Variants in MYT1L observed in about 807,000 individuals in gnomAD.
MYT1L encodes myelin transcription factor 1 like, also known as myelin transcription factor 1-like protein.
In MYT1L, 12 loss-of-function variants were observed where a neutral mutation model predicts 126.7. The ratio of observed to expected loss-of-function variants is 0.09; its 90% CI spans 0.06 to 0.15. MYT1L has a LOEUF of 0.15. MYT1L is among the 10% of genes least tolerant of loss of function. The pLI, the probability that MYT1L is intolerant of heterozygous loss-of-function variation, is 1.00. For synonymous variants in MYT1L, 541 were observed against 604.2 expected (o/e 0.90, Z 1.53); for missense variants, 979 against 1,585.2 (o/e 0.62, Z 6.49).
At chr2:2,062,813 G>A (rs555883043) in intron 3 of MYT1L, among the ~76,000 whole-genome samples, 14 of 152,002 alleles carry the variant, frequency 9.2e-5, no homozygotes, top group South Asian at 8.3e-4. Flanking sequence ...GCCCAGAGTC[G>A]TCATAATTTT....
intron 1 of MYT1L, among the ~76,000 whole-genome samples, chr2:2,293,220 T>C (rs1037263259): frequency 1.3e-5 from 2 of 152,090 alleles, no homozygotes; most frequent in African/African-American, 4.8e-5. Flanking sequence ...ATCTTCTATG[T>C]AATCCAAAGG....
intron 1 of MYT1L, among the ~76,000 whole-genome samples, chr2:2,301,325 G>A (rs1205314593): frequency 6.6e-6 from 1 of 152,074 alleles, no homozygotes; most frequent in Non-Finnish European, 1.5e-5. Flanking sequence ...CAGACATGGT[G>A]AAAACTCTCT....
At chr2:2,310,856 GT>G (rs1171708996) in intron 1 of MYT1L, among the ~76,000 whole-genome samples, 1 of 151,532 alleles carries the variant, frequency 6.6e-6, no homozygotes, top group Non-Finnish European at 1.5e-5. Flanking sequence ...TAAAGAGTTG[GT>G]TGAAAAAATG....
intron 9 of MYT1L, among the ~76,000 whole-genome samples, chr2:1,928,453 G>A (rs1558430814): frequency 6.6e-6 from 1 of 152,136 alleles, no homozygotes; most frequent in African/African-American, 2.4e-5. Flanking sequence ...GAGCCACCTG[G>A]AGTTCTGGGT....
intron 3 of MYT1L, among the ~76,000 whole-genome samples, chr2:2,076,895 A>G (rs554213254): frequency 3.3e-5 from 5 of 152,186 alleles, no homozygotes; most frequent in Non-Finnish European, 5.9e-5. Context: ...CTTTAAACTA[A>G]TTATTATAAA....
chr2:2,271,800 C>T (rs1024520133), intron 2 of MYT1L, among the ~76,000 whole-genome samples: 1 of 152,166 alleles, frequency 6.6e-6, no homozygotes, highest in African/African-American at 2.4e-5. Context: ...GGATGCCATG[C>T]CCATGACCTC....
intron 5 of MYT1L, among the ~76,000 whole-genome samples, chr2:1,993,349 A>T (rs1290126795): frequency 6.6e-6 from 1 of 152,132 alleles, no homozygotes; most frequent in Non-Finnish European, 1.5e-5. Flanking sequence ...CAATTTTCTT[A>T]CTGGAGGAAA....
Position 1,922,478 on chromosome 2 carries a change from G to A in MYT1L, c.1291C>T (p.Leu431=). Reference sequence around the variant, plus strand: ...GCGATGGCTTTCTCCAGCAGGGTCAGGTTCCCCTTGGTCATGTCGAACACC... The same window carrying A: ...GCGATGGCTTTCTCCAGCAGGGTCAAGTTCCCCTTGGTCATGTCGAACACC... ...EEVFDMTKGN[L]TLLEKAIALE... Residue 431 remains leucine, a synonymous_variant, in exon 10 of 25, where the codon CTG becomes TTG. Transcript: ENST00000647738. The surrounding 1 kb of genome is among the most constrained non-coding windows in gnomAD (Gnocchi z 7.4). 6.2e-7 allele frequency: 1 copy of A among 1,613,896 alleles called. No individual in the cohort carries two copies. The highest frequency in any genetic ancestry group is 8.5e-7 in the Non-Finnish European group (1 of 1,179,876).
intron 1 of MYT1L, among the ~76,000 whole-genome samples, chr2:2,295,416 ACC>A (rs1401160849): frequency 4.6e-5 from 7 of 152,050 alleles, no homozygotes; most frequent in African/African-American, 1.7e-4. Flanking sequence ...TTTTTCTGCC[ACC>A]CAGCTGTGGC....
intron 2 of MYT1L, among the ~76,000 whole-genome samples, chr2:2,214,447 A>G (rs931575978): frequency 6.6e-6 from 1 of 152,178 alleles, no homozygotes; most frequent in African/African-American, 2.4e-5. Flanking sequence ...GAAACCAGCG[A>G]CAAACAGGAA....
chr2:1,900,064 T>C (rs1027087366), intron 14 of MYT1L, among the ~76,000 whole-genome samples: 3 of 152,266 alleles, frequency 2.0e-5, no homozygotes, highest in Non-Finnish European at 1.5e-5. Context: ...CTAAGATCTG[T>C]ACTTTTCTCC....
chr2:2,273,522 T>A (rs1029179203), intron 2 of MYT1L, among the ~76,000 whole-genome samples: 1 of 152,190 alleles, frequency 6.6e-6, no homozygotes, highest in Non-Finnish European at 1.5e-5. Flanking sequence ...GACCAGTCTT[T>A]GGCCTGGTCG....
intron 21 of MYT1L, chr2:1,825,355 G>A (rs1012253428): frequency 6.6e-6 from 1 of 152,182 alleles, no homozygotes; most frequent in African/African-American, 2.4e-5. Flanking sequence ...CAGTAGAGGA[G>A]GAGACAGAAA....
chr2:1,933,397 G>GA (rs1396505049), intron 9 of MYT1L, among the ~76,000 whole-genome samples: 1 of 152,130 alleles, frequency 6.6e-6, no homozygotes, highest in African/African-American at 2.4e-5. Flanking sequence ...ACTTGGGCCA[G>GA]AAAAAAACGC....
chr2:2,102,662 C>T (rs1275052206), intron 3 of MYT1L, among the ~76,000 whole-genome samples: 1 of 150,820 alleles, frequency 6.6e-6, no homozygotes, highest in Admixed American at 6.6e-5. Flanking sequence ...AACTAGATCT[C>T]TATATTGCAT....
chr2:2,278,786 A>G (rs2095405527), intron 2 of MYT1L, among the ~76,000 whole-genome samples: 1 of 152,172 alleles, frequency 6.6e-6, no homozygotes, highest in Non-Finnish European at 1.5e-5. Flanking sequence ...AACACCATGT[A>G]TTTCTTCTTA....
At chr2:1,834,954 G>C (rs1456399072) in intron 21 of MYT1L, among the ~76,000 whole-genome samples, 2 of 105,976 alleles carry the variant, frequency 1.9e-5, no homozygotes, top group African/African-American at 1.2e-4. Flanking sequence ...CATAACACGG[G>C]GATGGATACA....
intron 3 of MYT1L, among the ~76,000 whole-genome samples, chr2:2,144,578 G>C (rs1311721494): frequency 1.3e-5 from 2 of 152,184 alleles, no homozygotes; most frequent in Non-Finnish European, 2.9e-5. Context: ...ACTAGTGTGG[G>C]AAACGGCAGA....
rs56266133 is a variant in MYT1L at position 1,811,370 on chromosome 2, A to ATCATCAGCTCTGGCG, written c.3081-2218_3081-2204dup. 0.57 allele frequency: 84,464 copies of ATCATCAGCTCTGGCG among 147,076 alleles called. 24,743 individuals carry two copies. Among genetic ancestry groups the ATCATCAGCTCTGGCG allele is most frequent in the South Asian group, 0.74 (3,293 of 4,472 alleles). 9.1% of individuals were successfully genotyped at this position (147,076 alleles called of 1,614,324 possible). ...TAACCCCAGCGTCATCAGCTCCAGC[A>ATCATCAGCTCTGGCG]TCATCAGCTCTGGCGTCATCAGCTC... On this transcript the variant is annotated intron_variant, in intron 21 of 24. Coordinates refer to ENST00000647738, the MANE Select transcript of MYT1L (RefSeq NM_001303052.2). The surrounding 1 kb of genome is among the most constrained non-coding windows in gnomAD (Gnocchi z 4.4).
Sources: allele counts gnomAD v4.1 joint callset (sites outside exome capture counted in the v4.1 genomes callset), GRCh38; gene constraint gnomAD v4.1.1; non-coding constraint Gnocchi (gnomAD v3.1); transcripts MANE v1.5; gene names NCBI Gene and HGNC (gene_info 2026-07-23, HGNC 2026-07-21).